Variants in MAP7 observed in about 807,000 individuals in gnomAD.
MAP7 encodes the protein microtubule associated protein 7.
A neutral mutation model predicts 94.8 loss-of-function variants in MAP7; 52 were observed. That is an observed-to-expected ratio of 0.55 (90% CI 0.44 to 0.69). The LOEUF (loss-of-function observed/expected upper bound fraction) is 0.69. Among genes scored for constraint, MAP7 ranks in the 30% least tolerant of loss-of-function variants. MAP7 has a pLI of 0.00. For synonymous variants in MAP7, 350 were observed against 357.0 expected (o/e 0.98, Z 0.22); for missense variants, 940 against 964.6 (o/e 0.97, Z 0.34).
intron 2 of MAP7, among the ~76,000 whole-genome samples, chr6:136,419,153 A>G (rs1438388669): frequency 6.6e-6 from 1 of 152,236 alleles, no homozygotes; most frequent in African/African-American, 2.4e-5. Flanking sequence ...CTGTGTTAGA[A>G]TGACCTATTC....
At chr6:136,420,264 G>A (rs1479281607) in intron 2 of MAP7, 11 of 932,680 alleles carry the variant, frequency 1.2e-5, no homozygotes, top group African/African-American at 6.3e-5. Context: ...GTAAAACATC[G>A]CAGAAGAGCC....
chr6:136,360,552 T>A, intron 13 of MAP7, 145 bp downstream of exon 13: 2 of 701,738 alleles, frequency 2.9e-6, no homozygotes, highest in East Asian at 5.0e-5. Context: ...CGAGAGAGAT[T>A]TCTTTGCAGG....
At chr6:136,489,363 C>A (rs1815807711) in intron 1 of MAP7, among the ~76,000 whole-genome samples, 1 of 152,096 alleles carries the variant, frequency 6.6e-6, no homozygotes, top group African/African-American at 2.4e-5. Flanking sequence ...CGATTAATAT[C>A]TGTCCTTTTA....
At chr6:136,403,767 T>C (rs1784817991) in intron 3 of MAP7, among the ~76,000 whole-genome samples, 1 of 152,260 alleles carries the variant, frequency 6.6e-6, no homozygotes, top group Non-Finnish European at 1.5e-5. Flanking sequence ...CTTCAGCTTC[T>C]GCTTACCTAA....
chr6:136,525,835 T>C, intron 1 of MAP7: 1 of 1,534,832 alleles, frequency 6.5e-7, no homozygotes, highest in Non-Finnish European at 8.7e-7. Flanking sequence ...TGCATACCTT[T>C]TGGTCTTCTG....
At chr6:136,448,316 T>C (rs1266951725) in intron 1 of MAP7, among the ~76,000 whole-genome samples, 1 of 152,088 alleles carries the variant, frequency 6.6e-6, no homozygotes, top group East Asian at 1.9e-4. Flanking sequence ...TAACTTGCAA[T>C]AAGGTCCTTT....
At chr6:136,401,294 G>C (rs1784006029) in intron 3 of MAP7, among the ~76,000 whole-genome samples, 1 of 152,226 alleles carries the variant, frequency 6.6e-6, no homozygotes, top group African/African-American at 2.4e-5. Context: ...TGAGGATGCA[G>C]TGAGCTATGA....
At chr6:136,481,842 T>C (rs1284830383) in intron 1 of MAP7, among the ~76,000 whole-genome samples, 1 of 152,214 alleles carries the variant, frequency 6.6e-6, no homozygotes, top group Non-Finnish European at 1.5e-5. Context: ...GATTATGTAT[T>C]ATATGCCTGT....
intron 1 of MAP7, among the ~76,000 whole-genome samples, chr6:136,532,146 G>C (rs1266457538): frequency 6.6e-6 from 1 of 152,120 alleles, no homozygotes; most frequent in Non-Finnish European, 1.5e-5. Context: ...GCGAGCACTT[G>C]GACAACAAGC....
intron 1 of MAP7, among the ~76,000 whole-genome samples, chr6:136,527,102 C>G (rs1333719050): frequency 6.6e-6 from 1 of 152,292 alleles, no homozygotes; most frequent in South Asian, 2.1e-4. Flanking sequence ...CAATCCCTAC[C>G]GCTCTGGGCA....
At chr6:136,456,710 AGAG>A (rs1412856375) in intron 1 of MAP7, among the ~76,000 whole-genome samples, 4 of 147,556 alleles carry the variant, frequency 2.7e-5, no homozygotes, top group Non-Finnish European at 6.0e-5. Flanking sequence ...AGAAGAAAGA[AGAG>A]GAGAAGAAAG....
chr6:136,436,828 C>T (rs1175082284), intron 1 of MAP7, among the ~76,000 whole-genome samples: 1 of 152,170 alleles, frequency 6.6e-6, no homozygotes, highest in Non-Finnish European at 1.5e-5. Context: ...GGAAAATTTA[C>T]CTTCTCTTTC....
chr6:136,372,666 T>A (rs1774912607), intron 7 of MAP7, 41 bp from the exon 8 acceptor site: 1 of 1,613,802 alleles, frequency 6.2e-7, no homozygotes, highest in South Asian at 1.1e-5. Flanking sequence ...TGCAGGTGAT[T>A]GGTTTTACAC....
At chr6:136,393,866 C>T (rs903318550) in intron 3 of MAP7, among the ~76,000 whole-genome samples, 1 of 149,104 alleles carries the variant, frequency 6.7e-6, no homozygotes, top group Non-Finnish European at 1.5e-5. Flanking sequence ...GTCTCAAACT[C>T]CTAGCTTCAA....
intron 16 of MAP7, among the ~76,000 whole-genome samples, chr6:136,353,495 C>A (rs982794911): frequency 6.6e-6 from 1 of 152,146 alleles, no homozygotes; most frequent in Non-Finnish European, 1.5e-5. Flanking sequence ...ATGTATATTA[C>A]CCACTTAATT....
intron 1 of MAP7, among the ~76,000 whole-genome samples, chr6:136,464,668 T>C (rs1229193641): frequency 1.3e-5 from 2 of 152,256 alleles, no homozygotes; most frequent in Non-Finnish European, 2.9e-5. Flanking sequence ...CCTGATTTTA[T>C]ATAAAACCAT....
intron 3 of MAP7, 32 bp downstream of exon 3, chr6:136,411,588 A>T: frequency 6.5e-7 from 1 of 1,545,924 alleles, no homozygotes; most frequent in Non-Finnish European, 8.8e-7. Context: ...CATCCATTCA[A>T]ATCAGGGCCA....
At chr6:136,370,202 C>T (rs1192603381) in intron 8 of MAP7, among the ~76,000 whole-genome samples, 1 of 152,114 alleles carries the variant, frequency 6.6e-6, no homozygotes, top group Non-Finnish European at 1.5e-5. Flanking sequence ...TAAAGAAATG[C>T]AAACCAAAAC....
intron 1 of MAP7, among the ~76,000 whole-genome samples, chr6:136,448,430 T>C (rs553012759): frequency 2.0e-5 from 3 of 151,926 alleles, no homozygotes; most frequent in East Asian, 1.9e-4. Flanking sequence ...TTTTTTTTTT[T>C]AAGACGGAGT....
Sources: allele counts gnomAD v4.1 joint callset (sites outside exome capture counted in the v4.1 genomes callset), GRCh38; gene constraint gnomAD v4.1.1; transcripts MANE v1.5; gene names NCBI Gene and HGNC (gene_info 2026-07-23, HGNC 2026-07-21).